TBX4: variants seen among roughly 807,000 people sequenced by gnomAD.
TBX4 encodes T-box transcription factor 4.
In TBX4, 13 loss-of-function variants were observed where a neutral mutation model predicts 54.6. The ratio of observed to expected loss-of-function variants is 0.24; its 90% CI spans 0.15 to 0.38. The LOEUF is 0.38. Among genes scored for constraint, TBX4 ranks in the 10% least tolerant of loss-of-function variants. TBX4 has a pLI of 1.00. For missense variants in TBX4, 631 were observed against 728.5 expected, an observed-to-expected ratio of 0.87 and a Z score of 1.54; for synonymous variants, 314 against 306.7, an observed-to-expected ratio of 1.02 and a Z score of -0.25.
chr17:61,485,007 AAACACATTAGCT>A lies in TBX4; in HGVS notation c.*1496_*1507del, dbSNP rs1211331904. The A allele has an allele frequency of 2.0e-5, 3 of 150,632 alleles. No individual in the cohort carries two copies. The highest frequency in any genetic ancestry group is 4.4e-5 in the Non-Finnish European group (3 of 67,748). The allele number at this position is 150,632 out of a possible 1,614,324, so 9.3% of individuals were successfully genotyped here. ...ACACTACAGATAAGGCTTTTTTAGA[AAACACATTAGCT>A]AACAGGTGATATGGAACTTCAAGTG... On this transcript the variant is annotated 3_prime_UTR_variant, in exon 9 of 9. Transcript: ENST00000644296. This position sits in a 1 kb window ranked among gnomAD's most constrained non-coding sequence, Gnocchi z 4.6.
rs541334159 is a variant in TBX4 at position 61,460,387 on chromosome 17, C to T, written c.281+2756C>T. ...TCTCAGATCACAAGTTTCCTTCCTA[C>T]CTTAGCCCTTTGGGTCCTTGAGAGT... On this transcript the variant is annotated intron_variant, in intron 3 of 8. Coordinates refer to ENST00000644296, the MANE Select transcript of TBX4 (RefSeq NM_001321120.2). The surrounding 1 kb of genome is among the most constrained non-coding windows in gnomAD (Gnocchi z 4.4). 10 of 152,362 alleles carry T rather than the reference C, an allele frequency of 6.6e-5. No individual in the cohort carries two copies. Among genetic ancestry groups the T allele is most frequent in the African/African-American group, 2.2e-4 (9 of 41,574 alleles). The allele number at this position is 152,362 out of a possible 1,614,324, so 9.4% of individuals were successfully genotyped here.
intron 5 of TBX4, among the ~76,000 whole-genome samples, chr17:61,468,661 G>C (rs537706707): frequency 7.2e-5 from 11 of 152,338 alleles, no homozygotes; most frequent in Middle Eastern, 3.4e-3. Flanking sequence ...GTTCGCTTCT[G>C]AGTCATTGGT....
At chr17:61,453,018 T>G in intron 1 of TBX4, 2 of 982,446 alleles carry the variant, frequency 2.0e-6, no homozygotes, top group Non-Finnish European at 2.4e-6. Context: ...ACTCAGAGCC[T>G]TTGATGCAAT....
rs1466312231 is a variant in TBX4, at chr17:61,459,410, T to C, written c.281+1779T>C. 6.6e-6 allele frequency among the ~76,000 whole-genome samples: 1 copy of C among 152,236 alleles called. No individual in the cohort carries two copies. ...GAATGGGGCTATTTCTTGTGCCTGC[T>C]AGTGTGGAAAGAAGGTAAGAAAGAG... On this transcript the variant is annotated intron_variant, in intron 3 of 8. Coordinates refer to ENST00000644296, the MANE Select transcript of TBX4 (RefSeq NM_001321120.2). This position sits in a 1 kb window ranked among gnomAD's most constrained non-coding sequence, Gnocchi z 4.8.
intron 1 of TBX4, among the ~76,000 whole-genome samples, chr17:61,455,262 G>A (rs565702742): frequency 2.6e-4 from 40 of 152,362 alleles, no homozygotes; most frequent in Middle Eastern, 6.8e-3. Context: ...CAAGATGGGC[G>A]AGAGGCCTGA....
At position 61,460,932 on chromosome 17, in the gene TBX4, A is replaced by T. The variant is rs907245773; in HGVS notation, c.281+3301A>T. The stretch of plus-strand genomic sequence containing the variant: ...CGATGAGAACTCCTGTTGAACCTGT[A>T]TTGTTTGTTATTCTGAGGCAAGGAT... On this transcript the variant is annotated intron_variant, in intron 3 of 8. Transcript: ENST00000644296. This position sits in a 1 kb window ranked among gnomAD's most constrained non-coding sequence, Gnocchi z 4.4. Among the ~76,000 whole-genome samples the T allele has an allele frequency of 2.6e-5, 4 of 152,066 alleles. No individual in the cohort carries two copies. Among genetic ancestry groups the T allele is most frequent in the Non-Finnish European group, 5.9e-5 (4 of 68,006 alleles).
rs765467893 is a variant in TBX4 at position 61,460,771 on chromosome 17, CCTAA to C, written c.281+3143_281+3146del. ...ATAAACCTCCCCAAAATGAAAATTG[CCTAA>C]CTGTCTCACTGCCCTACTCCTAGGT... On this transcript the variant is annotated intron_variant, in intron 3 of 8. Coordinates refer to ENST00000644296, the MANE Select transcript of TBX4 (RefSeq NM_001321120.2). This position sits in a 1 kb window ranked among gnomAD's most constrained non-coding sequence, Gnocchi z 4.4. 3.3e-4 allele frequency among the ~76,000 whole-genome samples: 50 copies of C among 152,330 alleles called. No homozygotes were observed. The highest frequency in any genetic ancestry group is 6.6e-4 in the Non-Finnish European group (45 of 68,018).
rs917982090 is a variant in TBX4, at chr17:61,480,107, T to G, written c.809T>G (p.Ile270Ser). ...ARLQSKEYPV[I>S]SKSIMRQRLI... ...CCCTTCAGCAAAGAATACCCCGTGATTTCCAAAAGCATCATGAGGCAGAGG... is the reference window on the plus strand; with the variant it reads ...CCCTTCAGCAAAGAATACCCCGTGAGTTCCAAAAGCATCATGAGGCAGAGG... Residue 270 changes from isoleucine (I) to serine (S), a missense_variant, in exon 8 of 9, where the codon ATT becomes AGT. Coordinates refer to ENST00000644296, the MANE Select transcript of TBX4 (RefSeq NM_001321120.2). The surrounding 1 kb of genome is among the most constrained non-coding windows in gnomAD (Gnocchi z 6.2). 1.9e-6 allele frequency: 3 copies of G among 1,613,866 alleles called. No individual in the cohort carries two copies. Among genetic ancestry groups the G allele is most frequent in the Admixed American group, 3.3e-5 (2 of 59,974 alleles).
In TBX4 at chr17:61,483,135, G is replaced by A. The variant is rs1206103584; in HGVS notation, c.1260G>A (p.Met420Ile). 1 of 1,614,042 alleles carries A rather than the reference G, an allele frequency of 6.2e-7. No individual in the cohort carries two copies. Among genetic ancestry groups the A allele is most frequent in the African/African-American group, 1.3e-5 (1 of 74,906 alleles). ...DLPPPPLSCN[M>I]WTSVSPYTSY... ...CCCCACCTCCGCTGAGCTGTAACAT[G>A]TGGACTTCAGTGTCGCCGTACACCA... Residue 420 changes from methionine (M) to isoleucine (I), a missense_variant, in exon 9 of 9, where the codon ATG becomes ATA. This residue lies in a region of TBX4 where 354 missense variants were observed against 368.9 expected (regional missense o/e 0.96). Coordinates refer to ENST00000644296, the MANE Select transcript of TBX4 (RefSeq NM_001321120.2). This position sits in a 1 kb window ranked among gnomAD's most constrained non-coding sequence, Gnocchi z 6.6.
At chr17:61,477,941 C>CAAAAAAAAAAAAAAAAAAAAAAAAA (rs10617980) in intron 5 of TBX4, among the ~76,000 whole-genome samples, 3 of 88,622 alleles carry the variant, frequency 3.4e-5, no homozygotes, top group Admixed American at 1.3e-4. Context: ...GATTCCATCT[C>CAAAAAAAAAAAAAAAAAAAAAAAAA]AAAAAAAAAA....
rs149034024 is a variant in TBX4 at position 61,483,659 on chromosome 17, C to T, written c.*143C>T. ...GTGTGTGTGTGTGTGTGTGTATACA[C>T]GAGCATGTATGTATTTGGAGAGCAT... On this transcript the variant is annotated 3_prime_UTR_variant, in exon 9 of 9. Transcript: ENST00000644296. This position sits in a 1 kb window ranked among gnomAD's most constrained non-coding sequence, Gnocchi z 6.6. The T allele has an allele frequency of 5.8e-5, 35 of 608,404 alleles. No individual in the cohort carries two copies. Among genetic ancestry groups the T allele is most frequent in the Admixed American group, 2.2e-4 (7 of 32,212 alleles). The allele number at this position is 608,404 out of a possible 1,614,324, so 37.7% of individuals were successfully genotyped here. A position where few individuals can be genotyped will look rare whatever the true frequency, so the allele number is the denominator to read the frequency against.
intron 1 of TBX4, among the ~76,000 whole-genome samples, chr17:61,455,437 A>C (rs2060440251): frequency 6.6e-6 from 1 of 152,346 alleles, no homozygotes; most frequent in Admixed American, 6.5e-5. Flanking sequence ...GGGGAAGCGG[A>C]GCAAGCGGGG....
intron 5 of TBX4, among the ~76,000 whole-genome samples, chr17:61,477,323 C>T (rs995748753): frequency 2.6e-5 from 4 of 152,234 alleles, no homozygotes; most frequent in African/African-American, 9.6e-5. Flanking sequence ...TGGGGCGCAG[C>T]CAAATGAAGC....
In TBX4 at chr17:61,485,065, G is replaced by A. The variant is rs1248129974; in HGVS notation, c.*1549G>A. On this transcript the variant is annotated 3_prime_UTR_variant, in exon 9 of 9. Coordinates refer to ENST00000644296, the MANE Select transcript of TBX4 (RefSeq NM_001321120.2). This position sits in a 1 kb window ranked among gnomAD's most constrained non-coding sequence, Gnocchi z 4.6. ...AAGTGTTTTGTTATATAGCATGGAT[G>A]TTTTATTTTGCATATCGGAACATAA... The A allele has an allele frequency of 1.3e-5, 2 of 151,906 alleles. No individual in the cohort carries two copies. The highest frequency in any genetic ancestry group is 4.8e-5 in the African/African-American group (2 of 41,346). 9.4% of individuals were successfully genotyped at this position (151,906 alleles called of 1,614,324 possible). A position where few individuals can be genotyped will look rare whatever the true frequency, so the allele number is the denominator to read the frequency against.
intron 8 of TBX4, among the ~76,000 whole-genome samples, chr17:61,482,553 G>A (rs2143868950): frequency 6.6e-6 from 1 of 152,216 alleles, no homozygotes; most frequent in Admixed American, 6.5e-5. Flanking sequence ...CTTGGCCAGG[G>A]AGGGCCTAGC....
intron 1 of TBX4, among the ~76,000 whole-genome samples, chr17:61,456,139 G>T (rs1206426169): frequency 6.6e-6 from 1 of 152,210 alleles, no homozygotes; most frequent in Non-Finnish European, 1.5e-5. Context: ...GAAGGCCCAG[G>T]CCTCAGGCTC....
rs1458528753 is a variant in TBX4 at position 61,457,041 on chromosome 17, C to T, written c.186+365C>T. Among the ~76,000 whole-genome samples the T allele has an allele frequency of 1.3e-5, 2 of 152,160 alleles. No individual in the cohort carries two copies. Among genetic ancestry groups the T allele is most frequent in the East Asian group, 3.9e-4 (2 of 5,150 alleles). Reference sequence around the variant, plus strand: ...CGGCGAGGGGGCAGGAGGAGGCCACCCCGCCGGTGCGCACGGGAGCCGCTG... The same window carrying T: ...CGGCGAGGGGGCAGGAGGAGGCCACTCCGCCGGTGCGCACGGGAGCCGCTG... On this transcript the variant is annotated intron_variant, in intron 2 of 8. Coordinates refer to ENST00000644296, the MANE Select transcript of TBX4 (RefSeq NM_001321120.2). This position sits in a 1 kb window ranked among gnomAD's most constrained non-coding sequence, Gnocchi z 8.2.
chr17:61,454,011 G>C (rs932551417), intron 1 of TBX4, among the ~76,000 whole-genome samples: 1 of 152,204 alleles, frequency 6.6e-6, no homozygotes, highest in Non-Finnish European at 1.5e-5. Context: ...TGTTCACTAT[G>C]TCACCTCGAT....
At chr17:61,453,419 T>C (rs1001115040) in intron 1 of TBX4, among the ~76,000 whole-genome samples, 1 of 152,188 alleles carries the variant, frequency 6.6e-6, no homozygotes, top group Non-Finnish European at 1.5e-5. Context: ...TAATATAATG[T>C]ATTATTGATA....
Sources: allele counts gnomAD v4.1 joint callset (sites outside exome capture counted in the v4.1 genomes callset), GRCh38; gene constraint gnomAD v4.1.1; regional missense constraint gnomAD v4.1.1; non-coding constraint Gnocchi (gnomAD v3.1); transcripts MANE v1.5; gene names NCBI Gene and HGNC (gene_info 2026-07-23, HGNC 2026-07-21).